Variants in ARHGAP20 observed in about 807,000 individuals in gnomAD.
ARHGAP20 encodes Rho GTPase activating protein 20.
ARHGAP20 carries 34 observed loss-of-function variants against 73.7 expected under a neutral mutation model. The observed-to-expected ratio is 0.46, with a 90% confidence interval of 0.35 to 0.61. The LOEUF is 0.61. Among genes scored for constraint, ARHGAP20 ranks in the 20% least tolerant of loss-of-function variants. The pLI is 0.00. For missense variants in ARHGAP20, 1,314 were observed against 1,420.9 expected, an observed-to-expected ratio of 0.92 and a Z score of 1.21; for synonymous variants, 523 against 518.2, an observed-to-expected ratio of 1.01 and a Z score of -0.13.
At chr11:110,686,792 G>A (rs990817069) in intron 2 of ARHGAP20, among the ~76,000 whole-genome samples, 5 of 151,810 alleles carry the variant, frequency 3.3e-5, no homozygotes, top group African/African-American at 4.8e-5. Flanking sequence ...CCAGAATACC[G>A]AATTAGAAAG....
intron 9 of ARHGAP20, among the ~76,000 whole-genome samples, chr11:110,603,600 G>A (rs192615564): frequency 2.6e-5 from 4 of 152,230 alleles, no homozygotes; most frequent in Admixed American, 1.3e-4. Flanking sequence ...ACTACAGTTC[G>A]AGTAGTGTTT....
At chr11:110,621,610 T>C (rs1399046426) in intron 4 of ARHGAP20, among the ~76,000 whole-genome samples, 1 of 152,190 alleles carries the variant, frequency 6.6e-6, no homozygotes, top group Non-Finnish European at 1.5e-5. Flanking sequence ...TTGGCCCTTT[T>C]TAGTATTTTT....
At position 110,695,473 on chromosome 11, in the gene ARHGAP20, T is replaced by C. The variant is rs527599830; in HGVS notation, c.106-4844A>G. Among the ~76,000 whole-genome samples, 4 of 151,636 alleles carry C rather than the reference T, an allele frequency of 2.6e-5. 1 individual carries two copies. The highest frequency in any genetic ancestry group is 9.6e-5 in the African/African-American group (4 of 41,480). On this transcript the variant is annotated intron_variant, in intron 1 of 14. Coordinates refer to ENST00000683387, the MANE Select transcript of ARHGAP20 (RefSeq NM_001384657.1). ...GACTTGTATCTATTATAAAGAAATA[T>C]TAAAACTCAATAATAAAGGCAAATT...
intron 2 of ARHGAP20, among the ~76,000 whole-genome samples, chr11:110,670,353 A>G (rs1179840720): frequency 6.6e-6 from 1 of 152,072 alleles, no homozygotes; most frequent in East Asian, 1.9e-4. Flanking sequence ...GGGGGAAAAA[A>G]GAGAATTTGG....
intron 2 of ARHGAP20, among the ~76,000 whole-genome samples, chr11:110,643,694 T>G (rs1209190545): frequency 6.6e-6 from 1 of 152,058 alleles, no homozygotes; most frequent in Non-Finnish European, 1.5e-5. Flanking sequence ...GTGGTCAATC[T>G]TAGATAATGT....
chr11:110,589,444 G>T (rs1300712531), intron 11 of ARHGAP20: 8 of 985,342 alleles, frequency 8.1e-6, no homozygotes, highest in Non-Finnish European at 9.6e-6. Context: ...CTGGAGTAGG[G>T]GTATGCAAGA....
chr11:110,701,186 A>G (rs1223074268), intron 1 of ARHGAP20, among the ~76,000 whole-genome samples: 2 of 151,458 alleles, frequency 1.3e-5, no homozygotes, highest in Non-Finnish European at 2.9e-5. Flanking sequence ...CAATGGTTGA[A>G]CTAGTTTACA....
At chr11:110,689,898 T>C (rs941264929) in intron 2 of ARHGAP20, among the ~76,000 whole-genome samples, 2 of 152,034 alleles carry the variant, frequency 1.3e-5, no homozygotes, top group South Asian at 2.1e-4. Context: ...CTCTTTCAAG[T>C]TGTACTTTCC....
Position 110,579,689 on chromosome 11 carries a change from A to C in ARHGAP20, c.3257T>G (p.Leu1086Arg). The C allele has an allele frequency of 1.9e-6, 3 of 1,614,168 alleles. No homozygotes were observed. The highest frequency in any genetic ancestry group is 2.5e-6 in the Non-Finnish European group (3 of 1,180,030). The change falls in exon 15 of 15, where the codon CTG becomes CGG. Residue 1086 changes from leucine to arginine, a missense_variant. By Grantham distance (102) the Leu-to-Arg change is moderately radical. Around this residue, in one of 3 missense-constraint regions of ARHGAP20, gnomAD observed 641 missense variants for 636.9 expected, o/e 1.01. Coordinates refer to ENST00000683387, the MANE Select transcript of ARHGAP20 (RefSeq NM_001384657.1). Reference sequence around the variant, plus strand: ...GGGCAAGTCTTTTTGTTCCTCTTGCAGTGAGTTGGCTTCTGGAACACCAGA... The same window carrying C: ...GGGCAAGTCTTTTTGTTCCTCTTGCCGTGAGTTGGCTTCTGGAACACCAGA... ...HASGVPEANS[L>R]QEEQKDLPLR...
Position 110,606,984 on chromosome 11 carries a change from A to G in ARHGAP20, c.776-235T>C, listed in dbSNP as rs967139628. Among the ~76,000 whole-genome samples the G allele has an allele frequency of 2.6e-5, 4 of 152,196 alleles. No individual in the cohort carries two copies. In the South Asian group the frequency reaches 8.3e-4, roughly 31 times the overall value. The stretch of plus-strand genomic sequence containing the variant: ...AAGAAGAAAAAAATCTTTAAAGATT[A>G]TCTTGTTTGGAATGAATGCACAGAT... On this transcript the variant is annotated intron_variant, in intron 8 of 14. Coordinates refer to ENST00000683387, the MANE Select transcript of ARHGAP20 (RefSeq NM_001384657.1).
At chr11:110,599,440 G>C (rs1208856076) in intron 9 of ARHGAP20, among the ~76,000 whole-genome samples, 1 of 152,216 alleles carries the variant, frequency 6.6e-6, no homozygotes, top group Non-Finnish European at 1.5e-5. Context: ...AAGCCGATCG[G>C]GGGCTGAGGC....
At chr11:110,688,321 A>G (rs939187463) in intron 2 of ARHGAP20, among the ~76,000 whole-genome samples, 9 of 150,268 alleles carry the variant, frequency 6.0e-5, no homozygotes, top group Admixed American at 4.7e-4. Flanking sequence ...ATGAACTTTC[A>G]GTACCTGCAT....
intron 1 of ARHGAP20, among the ~76,000 whole-genome samples, chr11:110,693,721 G>A (rs994632454): frequency 1.3e-5 from 2 of 151,770 alleles, no homozygotes; most frequent in Non-Finnish European, 2.9e-5. Context: ...AGATTTTCTT[G>A]TTTACAACTA....
intron 2 of ARHGAP20, among the ~76,000 whole-genome samples, chr11:110,664,485 T>C (rs572924747): frequency 4.6e-4 from 70 of 152,080 alleles, no homozygotes; most frequent in Non-Finnish European, 8.8e-4. Context: ...TCCCAGCACT[T>C]TGGGAGGCTA....
chr11:110,668,216 C>T (rs929851169), intron 2 of ARHGAP20, among the ~76,000 whole-genome samples: 6 of 152,274 alleles, frequency 3.9e-5, no homozygotes, highest in Admixed American at 2.0e-4. Context: ...AACCAACCTT[C>T]GGCAACCACC....
intron 11 of ARHGAP20, among the ~76,000 whole-genome samples, chr11:110,589,097 A>G (rs1947752877): frequency 6.6e-6 from 1 of 152,150 alleles, no homozygotes. Flanking sequence ...AAAAAAACAC[A>G]AGCTTTACCT....
intron 4 of ARHGAP20, among the ~76,000 whole-genome samples, chr11:110,620,877 GT>G: frequency 6.6e-6 from 1 of 151,468 alleles, no homozygotes; most frequent in East Asian, 1.9e-4. Context: ...TTTGAGACCA[GT>G]CTGGCCAACA....
chr11:110,651,468 T>C (rs908863376), intron 2 of ARHGAP20, among the ~76,000 whole-genome samples: 4 of 151,380 alleles, frequency 2.6e-5, no homozygotes, highest in African/African-American at 9.7e-5. Context: ...GAAATATTAA[T>C]AGACTGCTAG....
chr11:110,653,461 T>A (rs1949400029), intron 2 of ARHGAP20, among the ~76,000 whole-genome samples: 1 of 151,876 alleles, frequency 6.6e-6, no homozygotes. Context: ...GCTAACAAAC[T>A]TATGAAAAAA....
Sources: gnomAD v4.1 joint callset for allele counts (sites outside exome capture counted in the v4.1 genomes callset) on GRCh38, gnomAD v4.1.1 for gene constraint, gnomAD v4.1.1 regional missense constraint, MANE v1.5 for transcripts, NCBI Gene and HGNC (gene_info 2026-07-23, HGNC 2026-07-21) for gene names.